Variants in UBE2D2 observed in about 807,000 individuals in gnomAD.
UBE2D2 encodes ubiquitin-conjugating enzyme E2 D2.
UBE2D2 carries 2 observed loss-of-function variants against 24.2 expected under a neutral mutation model. The observed-to-expected ratio is 0.08, with a 90% CI of 0.03 to 0.26. The LOEUF is 0.26. Among genes scored for constraint, UBE2D2 ranks in the 10% least tolerant of loss-of-function variants. The probability of loss-of-function intolerance (pLI) is 1.00; values close to 1 mark genes in which losing one functional copy is unlikely to be tolerated. For missense variants in UBE2D2, 44 were observed against 177.6 expected, an observed-to-expected ratio of 0.25 and a Z score of 4.28; for synonymous variants, 58 against 56.5, an observed-to-expected ratio of 1.03 and a Z score of -0.12.
At chr5:139,573,953 A>G (rs1350652414) in intron 1 of UBE2D2, among the ~76,000 whole-genome samples, 2 of 152,022 alleles carry the variant, frequency 1.3e-5, no homozygotes, top group African/African-American at 4.8e-5. Flanking sequence ...CCTGGGCGAC[A>G]GAGCGAGACT....
intron 1 of UBE2D2, among the ~76,000 whole-genome samples, chr5:139,554,316 G>A (rs754347593): frequency 3.9e-5 from 6 of 152,072 alleles, no homozygotes; most frequent in Non-Finnish European, 7.3e-5. Context: ...CCACAGGCAC[G>A]TGCCACTGTG....
At chr5:139,557,023 C>T (rs113084429), upstream of UBE2D2, among the ~76,000 whole-genome samples, 9,652 of 150,464 alleles carry the variant, frequency 0.064, 351 homozygotes, top group South Asian at 0.11. Flanking sequence ...TTAGTAGAGA[C>T]GGGGTTTCAT....
In UBE2D2 at chr5:139,536,093, T is replaced by TA. The variant is rs1232046913; in HGVS notation, c.-64+9481_-64+9482insA. 3.3e-5 allele frequency among the ~76,000 whole-genome samples: 5 copies of TA among 150,928 alleles called. No individual in the cohort carries two copies. The East Asian group carries it at 7.8e-4, about 23-fold the overall frequency. On this transcript the variant is annotated intron_variant, in intron 1 of 6. Coordinates refer to the UBE2D2 transcript ENST00000511725. ...TTTTTATTTATGTATTTATTTATTA[T>TA]TTTATTTATTTATTTATTTATTTGA...
intron 1 of UBE2D2, among the ~76,000 whole-genome samples, chr5:139,590,495 T>A (rs988851369): frequency 1.3e-5 from 2 of 151,262 alleles, no homozygotes; most frequent in Non-Finnish European, 1.5e-5. Flanking sequence ...CCTTTGTATC[T>A]TTGTGGAAAA....
intron 1 of UBE2D2, among the ~76,000 whole-genome samples, chr5:139,539,623 C>T (rs775967688): frequency 6.6e-6 from 1 of 151,834 alleles, no homozygotes; most frequent in Non-Finnish European, 1.5e-5. Flanking sequence ...ACGGGATCAC[C>T]GTCTGTCACC....
chr5:139,585,395 G>T (rs1460230000), intron 1 of UBE2D2, among the ~76,000 whole-genome samples: 1 of 151,658 alleles, frequency 6.6e-6, no homozygotes, highest in South Asian at 2.1e-4. Context: ...TGTTGTTGTT[G>T]TTGTTAATTT....
chr5:139,560,876 A>AC (rs1337450372), upstream of UBE2D2, among the ~76,000 whole-genome samples: 2 of 152,086 alleles, frequency 1.3e-5, no homozygotes, highest in Non-Finnish European at 2.9e-5. Flanking sequence ...CAGGTGCCCG[A>AC]GCTGTAGCCA....
intron 1 of UBE2D2, among the ~76,000 whole-genome samples, chr5:139,548,178 A>AAAAAT (rs1752860375): frequency 5.0e-5 from 2 of 39,804 alleles, no homozygotes; most frequent in Non-Finnish European, 8.4e-5. Context: ...AAAAAAAAAA[A>AAAAAT]AAAAATAAAA....
At chr5:139,611,879 A>C (rs889506650) in intron 2 of UBE2D2, 16 of 152,196 alleles carry the variant, frequency 1.1e-4, no homozygotes, top group African/African-American at 3.9e-4. Context: ...ACTCGCAGTC[A>C]TATATGTAGT....
intron 1 of UBE2D2, among the ~76,000 whole-genome samples, chr5:139,588,311 G>T (rs1419827755): frequency 6.6e-6 from 1 of 151,786 alleles, no homozygotes; most frequent in East Asian, 1.9e-4. Flanking sequence ...TGTCGCCCAG[G>T]CTGGAGTGGA....
intron 5 of UBE2D2, among the ~76,000 whole-genome samples, chr5:139,616,457 TTAA>T (rs1223601716): frequency 6.6e-6 from 1 of 152,172 alleles, no homozygotes; most frequent in Admixed American, 6.5e-5. Context: ...TGGTAATGGA[TTAA>T]TATGTTTAAA....
intron 1 of UBE2D2, 136 bp downstream of exon 1, chr5:139,561,951 AC>A: frequency 8.2e-7 from 1 of 1,225,466 alleles, no homozygotes; most frequent in Non-Finnish European, 1.1e-6. Context: ...CGGCCTCCAT[AC>A]CCCACTCCCA....
intron 1 of UBE2D2, among the ~76,000 whole-genome samples, chr5:139,539,747 A>G (rs908861114): frequency 6.6e-6 from 1 of 151,706 alleles, no homozygotes; most frequent in Non-Finnish European, 1.5e-5. Flanking sequence ...GCCCGCCACC[A>G]TGCCTGGCTA....
chr5:139,571,994 C>T (rs959437928), intron 1 of UBE2D2, among the ~76,000 whole-genome samples: 31 of 151,612 alleles, frequency 2.0e-4, no homozygotes, highest in African/African-American at 7.0e-4. Flanking sequence ...TACTTCCTTC[C>T]TCATCTTTAT....
chr5:139,616,394 C>G (rs895931181), intron 5 of UBE2D2, among the ~76,000 whole-genome samples: 8 of 151,980 alleles, frequency 5.3e-5, no homozygotes, highest in Non-Finnish European at 1.0e-4. Flanking sequence ...AAAGAGTTCA[C>G]TGGATGTACT....
At chr5:139,588,581 T>G (rs1462892672) in intron 1 of UBE2D2, among the ~76,000 whole-genome samples, 1 of 152,204 alleles carries the variant, frequency 6.6e-6, no homozygotes, top group Non-Finnish European at 1.5e-5. Context: ...ATTATATAAA[T>G]GACAAATTTT....
chr5:139,531,500 A>G (rs147567200), intron 1 of UBE2D2, among the ~76,000 whole-genome samples: 5,664 of 152,122 alleles, frequency 0.037, 131 homozygotes, highest in Non-Finnish European at 0.058. Flanking sequence ...CGATGCTCCC[A>G]GCTGAATAAA....
intron 1 of UBE2D2, among the ~76,000 whole-genome samples, chr5:139,586,015 A>G (rs1039741936): frequency 6.6e-6 from 1 of 151,354 alleles, no homozygotes; most frequent in African/African-American, 2.4e-5. Context: ...TTTGTATAGT[A>G]CAGTTAATAA....
intron 1 of UBE2D2, among the ~76,000 whole-genome samples, chr5:139,574,735 CAAAAAAAA>C (rs75539434): frequency 2.8e-5 from 2 of 70,750 alleles, no homozygotes; most frequent in Non-Finnish European, 6.1e-5. Context: ...GGTGGGGTGG[CAAAAAAAA>C]AAAAAAAAAA....
Sources: allele counts gnomAD v4.1 joint callset (sites outside exome capture counted in the v4.1 genomes callset), GRCh38; gene constraint gnomAD v4.1.1; transcripts MANE v1.5; gene names NCBI Gene and HGNC (gene_info 2026-07-23, HGNC 2026-07-21).